EYA4: variants seen among roughly 807,000 people sequenced by gnomAD.
EYA4 encodes protein phosphatase EYA4.
In EYA4, 31 loss-of-function variants were observed where a neutral mutation model predicts 87.9. The ratio of observed to expected loss-of-function variants is 0.35; its 90% CI spans 0.27 to 0.48. The LOEUF (loss-of-function observed/expected upper bound fraction) is 0.48. Among genes scored for constraint, EYA4 ranks in the 20% least tolerant of loss-of-function variants. The pLI is 0.99. For synonymous variants in EYA4, 263 were observed against 270.6 expected (o/e 0.97, Z 0.28); for missense variants, 678 against 761.4 (o/e 0.89, Z 1.29).
chr6:133,371,644 G>A (rs750335745), intron 2 of EYA4, among the ~76,000 whole-genome samples: 6 of 151,990 alleles, frequency 3.9e-5, no homozygotes, highest in African/African-American at 9.7e-5. Context: ...AATTACTCTC[G>A]TTAGCAGTTT....
At position 133,515,592 on chromosome 6, in the gene EYA4, T is replaced by TGAGAGA. The variant is rs72138737; in HGVS notation, c.1616+171_1616+176dup. On this transcript the variant is annotated intron_variant, in intron 17 of 19. Transcript: ENST00000355286. ...TTTTTTCAATTTCAGTGCATGTGCA[T>TGAGAGA]GAGAGAGAGAGAGAGAGAGTGTGTG... Among the ~76,000 whole-genome samples, 195 of 146,284 alleles carry TGAGAGA rather than the reference T, an allele frequency of 1.3e-3. 2 individuals carry two copies. Among genetic ancestry groups the TGAGAGA allele is most frequent in the Middle Eastern group, 3.4e-3 (1 of 290 alleles).
chr6:133,480,930 GAAATGGGAGAGGTGGAAGGGA>G (rs1269039764), intron 11 of EYA4, among the ~76,000 whole-genome samples: 4 of 142,884 alleles, frequency 2.8e-5, no homozygotes, highest in Admixed American at 1.5e-4. Context: ...GTGACCCCAA[GAAATGGGAGAGGTGGAAGGGA>G]AAATGGGAGA....
intron 1 of EYA4, among the ~76,000 whole-genome samples, chr6:133,259,424 G>A (rs951287315): frequency 6.6e-6 from 1 of 152,136 alleles, no homozygotes; most frequent in African/African-American, 2.4e-5. Flanking sequence ...CCTTTTAAAG[G>A]TCTTTGGATT....
rs956644824 is a variant in EYA4 at position 133,462,665 on chromosome 6, T to C, written c.625T>C (p.Ser209Pro). The C allele has an allele frequency of 4.3e-6, 7 of 1,613,856 alleles. No individual in the cohort carries two copies. Among genetic ancestry groups the C allele is most frequent in the African/African-American group, 4.0e-5 (3 of 74,898 alleles). Reference protein sequence around the residue: ...LPAIKTESGLSQTQSPLQSGC... With the variant: ...LPAIKTESGLPQTQSPLQSGC... ...AGCCATCAAGACAGAGAGTGGACTT[T>C]CCCAAACTCAGTCCCCATTACAGAG... The change falls in exon 9 of 20, where the codon TCC becomes CCC. Residue 209 changes from serine (S) to proline (P), a missense_variant. Physicochemically the swap from Ser to Pro is moderately conservative, Grantham distance 74. Transcript: ENST00000355286.
At position 133,250,643 on chromosome 6, in the gene EYA4, A is replaced by AAAAT. The variant is rs917173223; in HGVS notation, c.-66+8910_-66+8913dup. On this transcript the variant is annotated intron_variant, in intron 1 of 19. Coordinates refer to ENST00000355286, the MANE Select transcript of EYA4 (RefSeq NM_004100.5). Reference sequence around the variant, plus strand: ...GACAACAGAGTGAGACTCCATCTCAAAAATAAATAAATAAATAAAAAGGAA... The same window carrying AAAAT: ...GACAACAGAGTGAGACTCCATCTCAAAAATAAATAAATAAATAAATAAAAAGGAA... Among the ~76,000 whole-genome samples, 18 of 152,228 alleles carry AAAAT rather than the reference A, an allele frequency of 1.2e-4. No homozygotes were observed. The South Asian group carries it at 2.3e-3, about 19-fold the overall frequency.
chr6:133,464,733 T>G (rs1240122083), intron 9 of EYA4, 46 bp from the exon 10 acceptor site: 2 of 1,176,674 alleles, frequency 1.7e-6, no homozygotes, highest in South Asian at 2.5e-5. Context: ...ATCTTTATCA[T>G]TTTACAAGGA....
At chr6:133,324,766 C>G (rs1781360763) in intron 2 of EYA4, among the ~76,000 whole-genome samples, 2 of 151,682 alleles carry the variant, frequency 1.3e-5, no homozygotes. Context: ...AGTATGGATT[C>G]TTAAAAATAA....
At chr6:133,469,663 A>T (rs1418109023) in intron 11 of EYA4, among the ~76,000 whole-genome samples, 1 of 151,982 alleles carries the variant, frequency 6.6e-6, no homozygotes, top group African/African-American at 2.4e-5. Context: ...AGAGGAAAGG[A>T]TCTCAACTTA....
intron 3 of EYA4, among the ~76,000 whole-genome samples, chr6:133,427,112 C>T (rs1232533739): frequency 6.6e-6 from 1 of 152,196 alleles, no homozygotes; most frequent in African/African-American, 2.4e-5. Context: ...ATGAAATTAA[C>T]AGTTGCATGG....
intron 14 of EYA4, among the ~76,000 whole-genome samples, chr6:133,509,325 G>C (rs1268688255): frequency 6.6e-6 from 1 of 151,180 alleles, no homozygotes; most frequent in African/African-American, 2.4e-5. Context: ...AATTCCTCAA[G>C]AGAGTAACTC....
At chr6:133,426,038 A>T (rs563480169) in intron 3 of EYA4, among the ~76,000 whole-genome samples, 35 of 151,110 alleles carry the variant, frequency 2.3e-4, no homozygotes, top group Middle Eastern at 3.4e-3. Context: ...ATCTTCTGGA[A>T]TGTTTCGCCA....
At chr6:133,318,811 T>C (rs770659313) in intron 2 of EYA4, among the ~76,000 whole-genome samples, 5 of 152,162 alleles carry the variant, frequency 3.3e-5, no homozygotes, top group Non-Finnish European at 7.3e-5. Context: ...AATGTTGAGT[T>C]TCCTTGCAAG....
At chr6:133,281,352 G>C (rs1464632028) in intron 2 of EYA4, among the ~76,000 whole-genome samples, 1 of 152,088 alleles carries the variant, frequency 6.6e-6, no homozygotes, top group Non-Finnish European at 1.5e-5. Context: ...CGCTTTTAGT[G>C]TTGTGTATAA....
At chr6:133,271,536 T>C (rs1447774483) in intron 1 of EYA4, among the ~76,000 whole-genome samples, 7 of 152,190 alleles carry the variant, frequency 4.6e-5, no homozygotes, top group African/African-American at 9.7e-5. Flanking sequence ...GACAAACCTC[T>C]TCCCTTTCTA....
At chr6:133,517,407 G>C (rs1414783759) in intron 17 of EYA4, among the ~76,000 whole-genome samples, 1 of 151,810 alleles carries the variant, frequency 6.6e-6, no homozygotes, top group African/African-American at 2.4e-5. Flanking sequence ...CAATGAATAA[G>C]ATGACAAATT....
intron 17 of EYA4, among the ~76,000 whole-genome samples, chr6:133,517,216 C>A (rs902031881): frequency 2.0e-5 from 3 of 151,892 alleles, no homozygotes; most frequent in African/African-American, 7.3e-5. Context: ...CACACTGGGG[C>A]CTTCCAGAGG....
At position 133,331,113 on chromosome 6, in the gene EYA4, A is replaced by C. The variant is rs150412631; in HGVS notation, c.34-51279A>C. On this transcript the variant is annotated intron_variant, in intron 2 of 19. Transcript: ENST00000355286. The stretch of plus-strand genomic sequence containing the variant: ...GCCTCATACTTATTTTAAAGTTGAA[A>C]TTTTAGGTTTTTAATTCAAAGACCC... Among the ~76,000 whole-genome samples the C allele has an allele frequency of 5.7e-4, 86 of 151,210 alleles. No individual in the cohort carries two copies. In the Middle Eastern group the frequency reaches 0.014, roughly 24 times the overall value.
intron 3 of EYA4, among the ~76,000 whole-genome samples, chr6:133,436,756 A>T (rs1321340262): frequency 6.6e-6 from 1 of 152,234 alleles, no homozygotes; most frequent in African/African-American, 2.4e-5. Context: ...TGCAAAGAGA[A>T]AAAGCTGGCA....
At chr6:133,315,485 G>A (rs7454561) in intron 2 of EYA4, among the ~76,000 whole-genome samples, 1 of 152,026 alleles carries the variant, frequency 6.6e-6, no homozygotes, top group East Asian at 1.9e-4. Context: ...AAAATCTACC[G>A]TTATGTGAGG....
Sources: gnomAD v4.1 joint callset for allele counts (sites outside exome capture counted in the v4.1 genomes callset) on GRCh38, gnomAD v4.1.1 for gene constraint, MANE v1.5 for transcripts, NCBI Gene and HGNC (gene_info 2026-07-23, HGNC 2026-07-21) for gene names.